The following RUNX2 variants were observed in gnomAD, a reference collection of about 807,000 sequenced individuals.
RUNX2 encodes RUNX family transcription factor 2.
Under a neutral mutation model 51.7 loss-of-function variants are expected in RUNX2, and 10 were observed. The observed-to-expected ratio is 0.19, with a 90% CI of 0.12 to 0.33. The LOEUF (loss-of-function observed/expected upper bound fraction) is 0.33, where lower values mean the gene tolerates loss of function less well. RUNX2 is among the 10% of genes least tolerant of loss of function. RUNX2 has a pLI of 1.00. For missense variants in RUNX2, 562 were observed against 691.3 expected, an observed-to-expected ratio of 0.81 and a Z score of 2.10; for synonymous variants, 276 against 273.6, an observed-to-expected ratio of 1.01 and a Z score of -0.09.
intron 2 of RUNX2, among the ~76,000 whole-genome samples, chr6:45,416,839 T>C (rs1319876145): frequency 1.3e-5 from 2 of 152,218 alleles, no homozygotes; most frequent in African/African-American, 2.4e-5. Context: ...TGAAAGGTCA[T>C]ATGGCAAGTG....
At chr6:45,533,538 T>C (rs1801928146) in intron 7 of RUNX2, among the ~76,000 whole-genome samples, 2 of 152,132 alleles carry the variant, frequency 1.3e-5, no homozygotes, top group South Asian at 2.1e-4. Flanking sequence ...CTTGCAGAAG[T>C]TTTGAGTTAA....
At chr6:45,436,799 T>A (rs1428299202) in intron 4 of RUNX2, among the ~76,000 whole-genome samples, 2 of 152,204 alleles carry the variant, frequency 1.3e-5, no homozygotes. Flanking sequence ...GTACATATTG[T>A]CAAAGATTTG....
At chr6:45,384,348 G>C (rs1797304401) in intron 2 of RUNX2, among the ~76,000 whole-genome samples, 1 of 151,994 alleles carries the variant, frequency 6.6e-6, no homozygotes, top group Non-Finnish European at 1.5e-5. Flanking sequence ...GCAGTGGCAT[G>C]ATCTCAGCTC....
chr6:45,384,749 A>C (rs1582056446), intron 2 of RUNX2, among the ~76,000 whole-genome samples: 1 of 112,840 alleles, frequency 8.9e-6, no homozygotes, highest in Non-Finnish European at 1.7e-5. Context: ...ACCGGGTCTC[A>C]CTCTATCTCC....
chr6:45,363,030 A>T (rs1794536985), intron 2 of RUNX2, among the ~76,000 whole-genome samples: 1 of 151,138 alleles, frequency 6.6e-6, no homozygotes, highest in African/African-American at 2.4e-5. Flanking sequence ...TTTATTTTTA[A>T]TTTTTGTAGT....
intron 7 of RUNX2, chr6:45,513,647 C>T (rs1314032588): frequency 6.6e-6 from 1 of 152,156 alleles, no homozygotes; most frequent in Non-Finnish European, 1.5e-5. Flanking sequence ...GATGGACTCC[C>T]ATGGGGGTGA....
At chr6:45,502,141 T>C (rs1043201263) in intron 6 of RUNX2, among the ~76,000 whole-genome samples, 1 of 152,126 alleles carries the variant, frequency 6.6e-6, no homozygotes, top group African/African-American at 2.4e-5. Flanking sequence ...GCCCCTTGAG[T>C]ACTAGTTACC....
intron 2 of RUNX2, among the ~76,000 whole-genome samples, chr6:45,376,421 G>A (rs1344195477): frequency 2.6e-5 from 4 of 152,126 alleles, no homozygotes; most frequent in Non-Finnish European, 5.9e-5. Flanking sequence ...GTATTTAAAC[G>A]TAAATCAATT....
intron 5 of RUNX2, among the ~76,000 whole-genome samples, chr6:45,448,500 C>T (rs1043480729): frequency 1.3e-5 from 2 of 152,044 alleles, no homozygotes. Flanking sequence ...GGCCAGGAGA[C>T]CACGATCTGG....
intron 2 of RUNX2, among the ~76,000 whole-genome samples, chr6:45,355,529 A>G (rs1792998589): frequency 6.6e-6 from 1 of 152,134 alleles, no homozygotes. Context: ...AAGATCTTGC[A>G]GCTCCAAACC....
chr6:45,343,523 C>T (rs1790249928), intron 2 of RUNX2, among the ~76,000 whole-genome samples: 1 of 152,116 alleles, frequency 6.6e-6, no homozygotes, highest in Non-Finnish European at 1.5e-5. Context: ...TCATACACCC[C>T]TCAGTTTACC....
At chr6:45,542,397 A>C (rs1393256927) in intron 7 of RUNX2, among the ~76,000 whole-genome samples, 1 of 152,176 alleles carries the variant, frequency 6.6e-6, no homozygotes, top group Non-Finnish European at 1.5e-5. Context: ...TAATGAGCAA[A>C]GTTCTTGCAG....
At chr6:45,517,126 A>G (rs1275924370) in intron 7 of RUNX2, among the ~76,000 whole-genome samples, 2 of 152,206 alleles carry the variant, frequency 1.3e-5, no homozygotes, top group African/African-American at 2.4e-5. Flanking sequence ...ATGCACAGGT[A>G]AGATGCATCT....
At chr6:45,506,493 G>A (rs1468529248) in intron 6 of RUNX2, among the ~76,000 whole-genome samples, 3 of 152,018 alleles carry the variant, frequency 2.0e-5, no homozygotes, top group African/African-American at 4.8e-5. Flanking sequence ...CAACACCAGA[G>A]GGTTGTTCAT....
intron 2 of RUNX2, among the ~76,000 whole-genome samples, chr6:45,346,682 C>T (rs1790948118): frequency 2.0e-5 from 3 of 151,698 alleles, no homozygotes; most frequent in Admixed American, 6.6e-5. Flanking sequence ...ATTCTCTTGC[C>T]TCTGCCTGAC....
At chr6:45,391,369 C>G (rs569532239) in intron 2 of RUNX2, among the ~76,000 whole-genome samples, 10 of 152,306 alleles carry the variant, frequency 6.6e-5, no homozygotes, top group Admixed American at 5.9e-4. Flanking sequence ...CTGTGATGAG[C>G]CTGCACCTGC....
rs1430887373 is a variant in RUNX2 at position 45,519,836 on chromosome 6, G to GTGTGTGTA, written c.1021+7430_1021+7431insGTGTGTAT. Among the ~76,000 whole-genome samples the GTGTGTGTA allele has an allele frequency of 3.4e-3, 461 of 134,522 alleles. 5 individuals are homozygous for GTGTGTGTA. Among genetic ancestry groups the GTGTGTGTA allele is most frequent in the Admixed American group, 5.2e-3 (67 of 12,906 alleles). The allele number at this position is 134,522 out of a possible 152,430, so 88.3% of individuals were successfully genotyped here. A position where few individuals can be genotyped will look rare whatever the true frequency, so the allele number is the denominator to read the frequency against. On this transcript the variant is annotated intron_variant, in intron 7 of 8. Transcript: ENST00000647337. ...TGTGTGTGTGTGTGTGTGTGTGTGT[G>GTGTGTGTA]TATATATTTGAGATGGAGTTCGCTC... is the stretch of plus-strand genomic sequence containing the variant.
chr6:45,505,372 T>TTTTTC (rs1012244911), intron 6 of RUNX2, among the ~76,000 whole-genome samples: 1 of 152,016 alleles, frequency 6.6e-6, no homozygotes, highest in African/African-American at 2.4e-5. Context: ...TTTTTTTTTT[T>TTTTTC]TTTTCTTTTC....
intron 2 of RUNX2, among the ~76,000 whole-genome samples, chr6:45,333,939 A>C (rs1788031305): frequency 6.6e-6 from 1 of 151,336 alleles, no homozygotes; most frequent in African/African-American, 2.4e-5. Context: ...CCACAAAACA[A>C]GGAAATCTCT....
Sources: gnomAD v4.1 joint callset for allele counts (sites outside exome capture counted in the v4.1 genomes callset) on GRCh38, gnomAD v4.1.1 for gene constraint, MANE v1.5 for transcripts, NCBI Gene and HGNC (gene_info 2026-07-23, HGNC 2026-07-21) for gene names.